CASK: variants seen among roughly 807,000 people sequenced by gnomAD.
CASK encodes the protein calcium/calmodulin dependent serine protein kinase.
A neutral mutation model predicts 82.9 loss-of-function variants in CASK; 4 were observed. The ratio of observed to expected loss-of-function variants is 0.05; its 90% CI spans 0.02 to 0.11. The LOEUF is 0.11. CASK is among the 10% of genes least tolerant of loss of function. The probability of loss-of-function intolerance (pLI) is 1.00; values close to 1 mark genes in which losing one functional copy is unlikely to be tolerated. For missense variants in CASK, 358 were observed against 720.9 expected (o/e 0.50, Z 5.76); for synonymous variants, 259 against 253.5 (o/e 1.02, Z -0.20).
rs1285413222 is a variant in CASK, at chrX:41,517,947, T to G, written c.*2473A>C. Reference sequence around the variant, plus strand: ...TAACATCTTTGAGAAGTCAATGAGTTCTGCATGCAGGGATTTCACCATCGG... The same window carrying G: ...TAACATCTTTGAGAAGTCAATGAGTGCTGCATGCAGGGATTTCACCATCGG... On this transcript the variant is annotated 3_prime_UTR_variant, in exon 27 of 27. Transcript: ENST00000378163. 4.7e-6 allele frequency: 2 copies of G among 428,435 alleles called. No individual in the cohort carries two copies. Among genetic ancestry groups the G allele is most frequent in the Non-Finnish European group, 8.3e-6 (2 of 242,121 alleles). 35.3% of individuals were successfully genotyped at this position (428,435 alleles called of 1,213,427 possible).
intron 25 of CASK, among the ~76,000 whole-genome samples, chrX:41,528,137 GC>G (rs2064740479): frequency 8.9e-6 from 1 of 112,414 alleles, no homozygotes; most frequent in Non-Finnish European, 1.9e-5. Flanking sequence ...TGGCTGTAAA[GC>G]CTTAATCGAG....
intron 3 of CASK, among the ~76,000 whole-genome samples, chrX:41,767,690 A>T (rs934261221): frequency 9.0e-6 from 1 of 111,480 alleles, no homozygotes; most frequent in Non-Finnish European, 1.9e-5. Context: ...CAAGTATTTT[A>T]TAGAATGTTC....
chrX:41,603,972 A>G (rs1204100041), intron 12 of CASK, among the ~76,000 whole-genome samples: 1 of 111,448 alleles, frequency 9.0e-6, no homozygotes, highest in Non-Finnish European at 1.9e-5. Flanking sequence ...AATCCAAAAA[A>G]CATGGCTTTT....
At chrX:41,808,689 G>T (rs886175966) in intron 2 of CASK, among the ~76,000 whole-genome samples, 8 of 112,142 alleles carry the variant, frequency 7.1e-5, no homozygotes, top group Non-Finnish European at 1.3e-4. Context: ...CTGAGGTACC[G>T]GGTTCATCTC....
chrX:41,889,254 A>G (rs931880424), intron 1 of CASK, among the ~76,000 whole-genome samples: 3 of 110,594 alleles, frequency 2.7e-5, no homozygotes, highest in Admixed American at 9.6e-5. Context: ...GTACTAATTT[A>G]CATTCCCACC....
At chrX:41,918,715 T>TAA (rs2072733640) in intron 1 of CASK, among the ~76,000 whole-genome samples, 1 of 112,912 alleles carries the variant, frequency 8.9e-6, no homozygotes, top group East Asian at 2.8e-4. Flanking sequence ...TTTAGCCATT[T>TAA]AGCTTCAATA....
At chrX:41,838,467 G>A (rs1208503601) in intron 2 of CASK, among the ~76,000 whole-genome samples, 1 of 112,076 alleles carries the variant, frequency 8.9e-6, no homozygotes, top group Admixed American at 9.4e-5. Context: ...TCAAAAGTAT[G>A]TATCTTGGCT....
At position 41,696,964 on chromosome X, in the gene CASK, T is replaced by A. The variant is rs2067701995; in HGVS notation, c.430-25434A>T. On this transcript the variant is annotated intron_variant, in intron 5 of 26. Transcript: ENST00000378163. ...CTAACTTTTAAATCTGTATGTAAAATCTTTTCAAAATACATTTTTAAGCTA... is the reference window on the plus strand; with the variant it reads ...CTAACTTTTAAATCTGTATGTAAAAACTTTTCAAAATACATTTTTAAGCTA... 2.4e-5 allele frequency: 8 copies of A among 333,469 alleles called. No homozygotes were observed. The South Asian group carries it at 6.9e-4, about 29-fold the overall frequency. The allele number at this position is 333,469 out of a possible 1,213,427, so 27.5% of individuals were successfully genotyped here.
intron 2 of CASK, among the ~76,000 whole-genome samples, chrX:41,807,323 T>A (rs929270921): frequency 5.4e-5 from 6 of 111,394 alleles, no homozygotes; most frequent in Non-Finnish European, 1.1e-4. Flanking sequence ...AGATTTCCAA[T>A]CATATGCAGA....
intron 5 of CASK, among the ~76,000 whole-genome samples, chrX:41,675,026 T>C (rs1356551734): frequency 4.5e-5 from 5 of 112,094 alleles, no homozygotes; most frequent in Admixed American, 1.9e-4. Context: ...AAGTAATGAA[T>C]ACCAAGCAAT....
chrX:41,574,103 G>A (rs774189144), intron 15 of CASK, among the ~76,000 whole-genome samples: 2 of 110,943 alleles, frequency 1.8e-5, no homozygotes, highest in South Asian at 7.8e-4. Flanking sequence ...TGCACTGATC[G>A]ATACTCTGCT....
intron 8 of CASK, among the ~76,000 whole-genome samples, chrX:41,648,730 T>C (rs2066808580): frequency 8.9e-6 from 1 of 111,979 alleles, no homozygotes; most frequent in Non-Finnish European, 1.9e-5. Context: ...TTTTGTTGTG[T>C]CTCTGCCAGG....
intron 12 of CASK, among the ~76,000 whole-genome samples, chrX:41,602,771 G>T (rs2065911881): frequency 1.1e-5 from 1 of 94,157 alleles, no homozygotes; most frequent in South Asian, 5.3e-4. Flanking sequence ...CATTAAGAAA[G>T]AAGGAAAAAT....
chrX:41,785,535 AAAC>A (rs2069578285), intron 3 of CASK, among the ~76,000 whole-genome samples: 1 of 112,335 alleles, frequency 8.9e-6, no homozygotes, highest in Admixed American at 9.5e-5. Context: ...AAGCTGTTGC[AAAC>A]AACAACTAAA....
intron 2 of CASK, among the ~76,000 whole-genome samples, chrX:41,821,267 C>T (rs753478870): frequency 3.9e-4 from 44 of 111,804 alleles, no homozygotes; most frequent in Non-Finnish European, 6.8e-4. Context: ...AAATAGACAT[C>T]GGTGTAAGAT....
At chrX:41,808,036 G>C (rs767679336) in intron 2 of CASK, among the ~76,000 whole-genome samples, 6 of 110,433 alleles carry the variant, frequency 5.4e-5, no homozygotes, top group Non-Finnish European at 9.5e-5. Context: ...TTGTATTTTT[G>C]GTAGAGATGG....
intron 15 of CASK, among the ~76,000 whole-genome samples, chrX:41,576,483 G>T (rs1375330856): frequency 9.0e-6 from 1 of 111,096 alleles, no homozygotes. Context: ...TCATAACTGG[G>T]CTTGTTAAGT....
chrX:41,557,952 A>ATT (rs746985441), intron 18 of CASK, among the ~76,000 whole-genome samples: 31 of 111,010 alleles, frequency 2.8e-4, no homozygotes, highest in African/African-American at 9.8e-4. Flanking sequence ...TTTAAAAGAC[A>ATT]TTTTTTTTCC....
intron 2 of CASK, among the ~76,000 whole-genome samples, chrX:41,848,152 A>G (rs1173662946): frequency 4.5e-5 from 5 of 112,249 alleles, no homozygotes; most frequent in African/African-American, 6.5e-5. Context: ...AACTACCTCT[A>G]AAGGTTTTTG....
Sources: allele counts gnomAD v4.1 joint callset (sites outside exome capture counted in the v4.1 genomes callset), GRCh38; gene constraint gnomAD v4.1.1; transcripts MANE v1.5; gene names NCBI Gene and HGNC (gene_info 2026-07-23, HGNC 2026-07-21).